Variants in C19orf12 observed in about 807,000 individuals in gnomAD.
C19orf12 encodes chromosome 19 open reading frame 12.
Under a neutral mutation model 3.8 loss-of-function variants are expected in C19orf12, and 2 were observed. That is an observed-to-expected ratio of 0.53 (90% CI 0.22 to 1.66). The LOEUF (loss-of-function observed/expected upper bound fraction) is 1.66. C19orf12 is among the 40% of genes most tolerant of loss of function. C19orf12 has a pLI of 0.20. For synonymous variants in C19orf12, 89 were observed against 84.6 expected (o/e 1.05, Z -0.28); for missense variants, 156 against 188.8 (o/e 0.83, Z 1.02).
At position 29,701,612 on chromosome 19, in the gene C19orf12, C is replaced by G. The variant is rs573256208; in HGVS notation, c.*1100G>C. 1.1e-5 allele frequency: 5 copies of G among 453,932 alleles called. No individual in the cohort carries two copies. In the Admixed American group the frequency reaches 1.2e-4, roughly 11 times the overall value. 28.1% of individuals were successfully genotyped at this position (453,932 alleles called of 1,614,324 possible). On this transcript the variant is annotated 3_prime_UTR_variant, in exon 3 of 3. Transcript: ENST00000323670. ...GGAAATCTTTAGGGTAGAAACATTTCTTAGAGATGGTTTATATCACACCAC... is the reference window on the plus strand; with the variant it reads ...GGAAATCTTTAGGGTAGAAACATTTGTTAGAGATGGTTTATATCACACCAC...
Position 29,708,388 on chromosome 19 carries a change from A to C in C19orf12, c.26T>G (p.Met9Arg), listed in dbSNP as rs1242938563. Reference protein sequence around the residue: MTIMVEDIMKLLCSLSGER... With the variant: MTIMVEDIRKLLCSLSGER... ...CCCAGAAAGGGAGCACAGCAGCTTCATGATGTCCTCCACCATGATAGTCAT... is the reference window on the plus strand; with the variant it reads ...CCCAGAAAGGGAGCACAGCAGCTTCCTGATGTCCTCCACCATGATAGTCAT... Residue 9 changes from methionine to arginine, a missense_variant, in exon 2 of 3, where the codon ATG becomes AGG. Coordinates refer to ENST00000323670, the MANE Select transcript of C19orf12 (RefSeq NM_031448.6). 1.2e-6 allele frequency: 2 copies of C among 1,614,072 alleles called. No homozygotes were observed. Among genetic ancestry groups the C allele is most frequent in the Non-Finnish European group, 1.7e-6 (2 of 1,180,024 alleles).
rs1568320776 is a variant in C19orf12, at chr19:29,699,761, C to T, written c.*2951G>A. 2.2e-6 allele frequency: 1 copy of T among 454,018 alleles called. No individual in the cohort carries two copies. Among genetic ancestry groups the T allele is most frequent in the African/African-American group, 2.0e-5 (1 of 50,120 alleles). 28.1% of individuals were successfully genotyped at this position (454,018 alleles called of 1,614,324 possible). ...CTCTGGGGTCGGCATAGGAGCAGGC[C>T]TTCCCTTGCAGCTTGCGCCCTCCCG... On this transcript the variant is annotated 3_prime_UTR_variant, in exon 3 of 3. Transcript: ENST00000323670.
intron 1 of C19orf12, chr19:29,714,825 C>A: frequency 1.9e-6 from 1 of 531,118 alleles, no homozygotes; most frequent in Admixed American, 3.0e-5. Context: ...ACCCCACCCC[C>A]ACCCACCACA....
rs1016587035 is a variant in C19orf12 at position 29,701,385 on chromosome 19, C to A, written c.*1327G>T. 2 of 453,998 alleles carry A rather than the reference C, an allele frequency of 4.4e-6. No individual in the cohort carries two copies. The highest frequency in any genetic ancestry group is 1.6e-5 in the South Asian group (1 of 64,486). 28.1% of individuals were successfully genotyped at this position (453,998 alleles called of 1,614,324 possible). On this transcript the variant is annotated 3_prime_UTR_variant, in exon 3 of 3. Coordinates refer to ENST00000323670, the MANE Select transcript of C19orf12 (RefSeq NM_031448.6). The stretch of plus-strand genomic sequence containing the variant: ...GCACACCTTCCTGTATAATTTAAAT[C>A]ATCTCTAGATTTCTTATAATACCAA...
chr19:29,712,960 A>G (rs781559173), intron 1 of C19orf12, among the ~76,000 whole-genome samples: 1 of 152,180 alleles, frequency 6.6e-6, no homozygotes, highest in African/African-American at 2.4e-5. Flanking sequence ...TTAATAGTCC[A>G]GCACCACGGG....
rs116245746 is a variant in C19orf12, at chr19:29,702,133, G to A, written c.*579C>T. 1,884 of 452,960 alleles carry A rather than the reference G, an allele frequency of 4.2e-3. 31 individuals are homozygous for A. The highest frequency in any genetic ancestry group is 0.035 in the African/African-American group (1,759 of 50,110). 28.1% of individuals were successfully genotyped at this position (452,960 alleles called of 1,614,324 possible). A position where few individuals can be genotyped will look rare whatever the true frequency, so the allele number is the denominator to read the frequency against. ...TGGGGGCCGGGGTCAAGTCCACTCGGTATTTGTGGCTTCACTCAGCAGGCC... is the reference window on the plus strand; with the variant it reads ...TGGGGGCCGGGGTCAAGTCCACTCGATATTTGTGGCTTCACTCAGCAGGCC... On this transcript the variant is annotated 3_prime_UTR_variant, in exon 3 of 3. Transcript: ENST00000323670.
chr19:29,709,702 A>AT (rs1972574528), intron 1 of C19orf12, among the ~76,000 whole-genome samples: 2 of 149,580 alleles, frequency 1.3e-5, no homozygotes, highest in African/African-American at 4.9e-5. Flanking sequence ...AGCTAATTTT[A>AT]TTTTTATTTT....
In C19orf12 at chr19:29,701,359, C is replaced by G. The variant is rs181525111; in HGVS notation, c.*1353G>C. The G allele has an allele frequency of 1.5e-5, 7 of 453,976 alleles. No homozygotes were observed. The highest frequency in any genetic ancestry group is 1.2e-4 in the African/African-American group (6 of 49,978). The allele number at this position is 453,976 out of a possible 1,614,324, so 28.1% of individuals were successfully genotyped here. On this transcript the variant is annotated 3_prime_UTR_variant, in exon 3 of 3. Transcript: ENST00000323670. ...TGGCATAGCGTTTGCACGTAACCTA[C>G]GCACACCTTCCTGTATAATTTAAAT...
intron 2 of C19orf12, among the ~76,000 whole-genome samples, chr19:29,704,609 C>T (rs1599538262): frequency 6.6e-6 from 1 of 152,208 alleles, no homozygotes; most frequent in Non-Finnish European, 1.5e-5. Context: ...CTTGTATCCA[C>T]GGAAAGTTCT....
chr19:29,711,168 T>C (rs1048558609), intron 1 of C19orf12, among the ~76,000 whole-genome samples: 1 of 147,752 alleles, frequency 6.8e-6, no homozygotes, highest in African/African-American at 2.5e-5. Flanking sequence ...ACCTCCCGAA[T>C]AGCTGGGACT....
rs146492790 is a variant in C19orf12, at chr19:29,702,825, C to T, written c.313G>A (p.Val105Met). 2,246 of 1,614,056 alleles carry T rather than the reference C, an allele frequency of 1.4e-3. 7 individuals are homozygous for T. Among genetic ancestry groups the T allele is most frequent in the Non-Finnish European group, 1.6e-3 (1,934 of 1,179,952 alleles). The change falls in exon 3 of 3, where the codon GTG (valine) becomes ATG (methionine). Residue 105 changes from valine to methionine, a missense_variant. Physicochemically the swap from Val to Met is conservative, Grantham distance 21 (BLOSUM62 1). Coordinates refer to ENST00000323670, the MANE Select transcript of C19orf12 (RefSeq NM_031448.6). ...IIRHLEWTDA[V>M]QLTALVMGSE... is the part of the protein sequence containing the mutation. ...CCCATGACCAGCGCGGTCAGCTGCA[C>T]GGCGTCCGTCCACTCCAGGTGCCTG...
In C19orf12 at chr19:29,701,119, T is replaced by C. The variant is rs745873410; in HGVS notation, c.*1593A>G. The C allele has an allele frequency of 9.5e-5, 43 of 454,038 alleles. No homozygotes were observed. Among genetic ancestry groups the C allele is most frequent in the African/African-American group, 6.6e-4 (33 of 50,024 alleles). 28.1% of individuals were successfully genotyped at this position (454,038 alleles called of 1,614,324 possible). The stretch of plus-strand genomic sequence containing the variant: ...TCCCTCTTGTTCCATTTGTAAGACT[T>C]TGAATATTAGAGATATTTTACACAT... On this transcript the variant is annotated 3_prime_UTR_variant, in exon 3 of 3. Coordinates refer to ENST00000323670, the MANE Select transcript of C19orf12 (RefSeq NM_031448.6).
intron 2 of C19orf12, among the ~76,000 whole-genome samples, chr19:29,705,681 T>A (rs1972341843): frequency 6.6e-6 from 1 of 151,864 alleles, no homozygotes. Context: ...TGGCTAATTT[T>A]TTTTTTATTA....
chr19:29,709,124 C>T (rs1972533641), intron 1 of C19orf12, among the ~76,000 whole-genome samples: 1 of 152,178 alleles, frequency 6.6e-6, no homozygotes, highest in Non-Finnish European at 1.5e-5. Context: ...ACAGTTGTAC[C>T]CATGGGACAC....
chr19:29,708,573 G>T, intron 1 of C19orf12, 150 bp from the exon 2 acceptor site: 1 of 972,246 alleles, frequency 1.0e-6, no homozygotes, highest in Non-Finnish European at 1.6e-6. Flanking sequence ...ACAGCATCCA[G>T]ACGGTGGAAA....
chr19:29,702,342 G>C lies in C19orf12; in HGVS notation c.*370C>G. On this transcript the variant is annotated 3_prime_UTR_variant, in exon 3 of 3. Coordinates refer to ENST00000323670, the MANE Select transcript of C19orf12 (RefSeq NM_031448.6). ...TCATCTCCCAAGATGAGAAGGCCCCGGGGGGAGGATGAAGTGTGGTCAGAC... is the reference window on the plus strand; with the variant it reads ...TCATCTCCCAAGATGAGAAGGCCCCCGGGGGAGGATGAAGTGTGGTCAGAC... 1 of 483,810 alleles carries C rather than the reference G, an allele frequency of 2.1e-6. No individual in the cohort carries two copies. Among genetic ancestry groups the C allele is most frequent in the Non-Finnish European group, 4.0e-6 (1 of 247,220 alleles). 30.0% of individuals were successfully genotyped at this position (483,810 alleles called of 1,614,324 possible).
chr19:29,707,531 C>T (rs1972437919), intron 2 of C19orf12, among the ~76,000 whole-genome samples: 1 of 152,204 alleles, frequency 6.6e-6, no homozygotes, highest in South Asian at 2.1e-4. Flanking sequence ...CCAGCCTCCT[C>T]CCTGGTTTCC....
chr19:29,702,938 C>T lies in C19orf12; in HGVS notation c.200G>A (p.Ser67Asn), dbSNP rs775454444. ...VGGLLGAWMT[S>N]GQFKPVPQIL... ...CTGAGGAACCGGCTTAAACTGTCCACTTGTCATCCAGGCACCTAACAGCCC... is the reference window on the plus strand; with the variant it reads ...CTGAGGAACCGGCTTAAACTGTCCATTTGTCATCCAGGCACCTAACAGCCC... Residue 67 changes from serine to asparagine, a missense_variant, in exon 3 of 3, where the codon AGT becomes AAT. Coordinates refer to ENST00000323670, the MANE Select transcript of C19orf12 (RefSeq NM_031448.6). 7 of 1,614,086 alleles carry T rather than the reference C, an allele frequency of 4.3e-6. No individual in the cohort carries two copies. The highest frequency in any genetic ancestry group is 5.1e-6 in the Non-Finnish European group (6 of 1,180,038).
rs979867150 is a variant in C19orf12, at chr19:29,700,303, T to C, written c.*2409A>G. ...GATTTGCTGTAAGCAACCGGAGAAG[T>C]TGGCATTTGTTCAACATGGAAAAAG... On this transcript the variant is annotated 3_prime_UTR_variant, in exon 3 of 3. Coordinates refer to ENST00000323670, the MANE Select transcript of C19orf12 (RefSeq NM_031448.6). 7 of 454,034 alleles carry C rather than the reference T, an allele frequency of 1.5e-5. No individual in the cohort carries two copies. The highest frequency in any genetic ancestry group is 3.1e-5 in the Non-Finnish European group (7 of 226,812). The allele number at this position is 454,034 out of a possible 1,614,324, so 28.1% of individuals were successfully genotyped here.
Sources: gnomAD v4.1 joint callset for allele counts (sites outside exome capture counted in the v4.1 genomes callset) on GRCh38, gnomAD v4.1.1 for gene constraint, MANE v1.5 for transcripts, NCBI Gene and HGNC (gene_info 2026-07-23, HGNC 2026-07-21) for gene names.